The following ADCY10 variants were observed in gnomAD, a reference collection of about 807,000 sequenced individuals.
The protein encoded by ADCY10 is adenylate cyclase type 10.
ADCY10 carries 156 observed loss-of-function variants against 183.3 expected under a neutral mutation model. That is an observed-to-expected ratio of 0.85 (90% confidence interval 0.75 to 0.97). The LOEUF (loss-of-function observed/expected upper bound fraction) is 0.97, where lower values mean the gene tolerates loss of function less well. ADCY10 is among the 50% of genes least tolerant of loss of function. The pLI, the probability that ADCY10 is intolerant of heterozygous loss-of-function variation, is 0.00. For missense variants in ADCY10, 1,745 were observed against 1,934.3 expected (o/e 0.90, Z 1.84); for synonymous variants, 645 against 670.0 (o/e 0.96, Z 0.58).
At chr1:167,842,253 C>T (rs1664704150) in intron 21 of ADCY10, among the ~76,000 whole-genome samples, 1 of 152,182 alleles carries the variant, frequency 6.6e-6, no homozygotes, top group Non-Finnish European at 1.5e-5. Flanking sequence ...GATCCTCCCA[C>T]CTCAACTTCC....
At chr1:167,839,387 A>G (rs1171975940) in intron 21 of ADCY10, among the ~76,000 whole-genome samples, 1 of 152,376 alleles carries the variant, frequency 6.6e-6, no homozygotes, top group Non-Finnish European at 1.5e-5. Context: ...GGCATTAAAC[A>G]TGCTGGCTGG....
chr1:167,848,336 A>C, intron 19 of ADCY10, 25 bp downstream of exon 19: 1 of 1,610,108 alleles, frequency 6.2e-7, no homozygotes, highest in Middle Eastern at 1.7e-4. Context: ...GGCGTGAGCC[A>C]CTGCGCCCGG....
chr1:167,833,027 GA>G lies in ADCY10; in HGVS notation c.3552del (p.His1185IlefsTer3). 1 of 1,614,120 alleles carries G rather than the reference GA, an allele frequency of 6.2e-7. No individual in the cohort carries two copies. The part of the protein sequence containing the change: ...LHIHVEKNRH[F>X]HYVNRQAQES... ...TCTTGGGCCTGCCGATTCACATAAT[GA>G]AAGTGTCTGTTTTTCTCGACATGGA... On this transcript the variant is annotated frameshift_variant, in exon 25 of 33. Transcript: ENST00000367851. LOFTEE classifies it high-confidence loss of function.
chr1:167,884,098 T>C (rs753166589), intron 8 of ADCY10, among the ~76,000 whole-genome samples: 7 of 152,216 alleles, frequency 4.6e-5, no homozygotes, highest in Non-Finnish European at 1.0e-4. Context: ...TCCTTTGTGT[T>C]ACAAACAATC....
intron 16 of ADCY10, among the ~76,000 whole-genome samples, chr1:167,859,261 C>T (rs1356916142): frequency 1.3e-5 from 2 of 152,170 alleles, no homozygotes; most frequent in Non-Finnish European, 2.9e-5. Flanking sequence ...ATATAGCAGA[C>T]AGTCGTGATA....
At chr1:167,854,314 C>A in intron 18 of ADCY10, 39 bp downstream of exon 18, 2 of 1,613,810 alleles carry the variant, frequency 1.2e-6, no homozygotes, top group Non-Finnish European at 1.7e-6. Context: ...TTAAGTTAGG[C>A]AGAACAGAGT....
In ADCY10 at chr1:167,854,735, C is replaced by A. The variant is rs6677713; in HGVS notation, c.2172-246G>T. ...TTGGAAGGATAAGCCAAAAACTAAT[C>A]AAAATGGTTACCTATAGGATAAGGG... On this transcript the variant is annotated intron_variant, in intron 17 of 32. Transcript: ENST00000367851. Among the ~76,000 whole-genome samples the A allele has an allele frequency of 0.18, 27,175 of 151,936 alleles. 2,773 individuals are homozygous for A. Among genetic ancestry groups the A allele is most frequent in the East Asian group, 0.4 (2,071 of 5,158 alleles).
chr1:167,892,014 C>T (rs1451389039), intron 8 of ADCY10, among the ~76,000 whole-genome samples: 1 of 151,124 alleles, frequency 6.6e-6, no homozygotes, highest in African/African-American at 2.4e-5. Context: ...TGCTCTGTCC[C>T]CAAGGCTGGA....
intron 6 of ADCY10, among the ~76,000 whole-genome samples, chr1:167,898,293 A>G (rs1188951392): frequency 6.6e-6 from 1 of 152,064 alleles, no homozygotes; most frequent in East Asian, 1.9e-4. Flanking sequence ...AACAATTTTT[A>G]AAGGTATCAA....
chr1:167,888,650 G>T (rs1269906082), intron 8 of ADCY10, among the ~76,000 whole-genome samples: 2 of 152,124 alleles, frequency 1.3e-5, no homozygotes, highest in Non-Finnish European at 2.9e-5. Context: ...GCCGAGGCGG[G>T]CGGATCACGA....
rs148754010 is a variant in ADCY10, at chr1:167,904,118, T to C, written c.149-127A>G. ...TTTTTTTTTTTTTGAGACAGAGTCTTGCTTTGTAGCCCAGGCTGGAGGGCA... is the reference window on the plus strand; with the variant it reads ...TTTTTTTTTTTTTGAGACAGAGTCTCGCTTTGTAGCCCAGGCTGGAGGGCA... On this transcript the variant is annotated intron_variant, in intron 2 of 32. Coordinates refer to ENST00000367851, the MANE Select transcript of ADCY10 (RefSeq NM_018417.6). 26,993 of 598,878 alleles carry C rather than the reference T, an allele frequency of 0.045. 894 individuals carry two copies. Among genetic ancestry groups the C allele is most frequent in the Middle Eastern group, 0.086 (176 of 2,044 alleles). 37.1% of individuals were successfully genotyped at this position (598,878 alleles called of 1,614,324 possible). A position where few individuals can be genotyped will look rare whatever the true frequency, so the allele number is the denominator to read the frequency against.
rs748786884 is a variant in ADCY10 at position 167,834,020 on chromosome 1, A to G, written c.3367T>C (p.Ser1123Pro). Residue 1123 changes from serine to proline, a missense_variant, in exon 24 of 33, where the codon TCT (serine) becomes CCT (proline). Physicochemically the swap from Ser to Pro is moderately conservative, Grantham distance 74 (BLOSUM62 -1). Transcript: ENST00000367851. ...GCAGACTCAAATGTCTGGCTCCAAG[A>G]TTTGTCCTTCTTGAGAGTTTTTAGC... ...KLLKTLKKDK[S>P]WSQTFESATF... 6.2e-7 allele frequency: 1 copy of G among 1,614,056 alleles called. No individual in the cohort carries two copies. Among genetic ancestry groups the G allele is most frequent in the Non-Finnish European group, 8.5e-7 (1 of 1,180,042 alleles).
At chr1:167,870,638 C>CAAAAAAAAA (rs58787930) in intron 13 of ADCY10, among the ~76,000 whole-genome samples, 5 of 93,694 alleles carry the variant, frequency 5.3e-5, no homozygotes, top group Non-Finnish European at 6.1e-5. Context: ...ACTGAAAATA[C>CAAAAAAAAA]AAAAAAAAAA....
intron 18 of ADCY10, among the ~76,000 whole-genome samples, chr1:167,851,385 T>C (rs1367476723): frequency 6.6e-6 from 1 of 151,940 alleles, no homozygotes; most frequent in Non-Finnish European, 1.5e-5. Flanking sequence ...TGGGGTTTTG[T>C]CATGTTGCCC....
intron 18 of ADCY10, among the ~76,000 whole-genome samples, chr1:167,851,226 G>A (rs997161840): frequency 1.3e-5 from 2 of 151,984 alleles, no homozygotes; most frequent in African/African-American, 4.8e-5. Context: ...CACTCCTGTT[G>A]CCCAGGCTGG....
At chr1:167,843,093 G>A (rs964138500) in intron 21 of ADCY10, among the ~76,000 whole-genome samples, 2 of 152,308 alleles carry the variant, frequency 1.3e-5, no homozygotes, top group Non-Finnish European at 2.9e-5. Context: ...CTCAGGTGGA[G>A]GTGCTGATGG....
In ADCY10 at chr1:167,845,743, T is replaced by C; in HGVS notation, c.2827A>G (p.Lys943Glu). ...MQKTAYELWL[K>E]DQRKAMHLKC... is the part of the protein sequence containing the mutation. ...AAGTGCATGGCTTTTCTCTGGTCCT[T>C]GAGCCACAGCTCGTAGGCTGTTTTC... Residue 943 changes from lysine (K) to glutamate (E), a missense_variant, in exon 21 of 33, where the codon AAG becomes GAG. Lys to Glu is a moderately conservative substitution (Grantham distance 56, BLOSUM62 1). Transcript: ENST00000367851. 3 of 1,614,258 alleles carry C rather than the reference T, an allele frequency of 1.9e-6. No individual in the cohort carries two copies. The highest frequency in any genetic ancestry group is 2.5e-6 in the Non-Finnish European group (3 of 1,180,040).
chr1:167,884,752 C>T (rs1235778601), intron 8 of ADCY10, among the ~76,000 whole-genome samples: 1 of 143,770 alleles, frequency 7.0e-6, no homozygotes, highest in East Asian at 2.0e-4. Context: ...GGCTGGAGTG[C>T]AGTGGCGCGA....
At chr1:167,871,130 A>G (rs956527455) in intron 13 of ADCY10, among the ~76,000 whole-genome samples, 1 of 152,084 alleles carries the variant, frequency 6.6e-6, no homozygotes, top group Non-Finnish European at 1.5e-5. Context: ...GTAGACTATT[A>G]CATTAGGAAA....
Sources: allele counts gnomAD v4.1 joint callset (sites outside exome capture counted in the v4.1 genomes callset), GRCh38; gene constraint gnomAD v4.1.1; transcripts MANE v1.5; gene names NCBI Gene and HGNC (gene_info 2026-07-23, HGNC 2026-07-21).